CEP128: variants seen among roughly 807,000 people sequenced by gnomAD.
CEP128 encodes the protein centrosomal protein 128.
A neutral mutation model predicts 156.7 loss-of-function variants in CEP128; 132 were observed. That is an observed-to-expected ratio of 0.84 (90% confidence interval 0.73 to 0.97). The LOEUF (loss-of-function observed/expected upper bound fraction) is 0.97, where lower values mean the gene tolerates loss of function less well. Among genes scored for constraint, CEP128 ranks in the 50% least tolerant of loss-of-function variants. The pLI is 0.00. For missense variants in CEP128, 1,252 were observed against 1,281.9 expected (o/e 0.98, Z 0.36); for synonymous variants, 469 against 448.9 (o/e 1.04, Z -0.57).
At chr14:80,637,434 T>C (rs1460897244) in intron 19 of CEP128, among the ~76,000 whole-genome samples, 1 of 152,162 alleles carries the variant, frequency 6.6e-6, no homozygotes, top group Non-Finnish European at 1.5e-5. Flanking sequence ...GAAAGGAGAA[T>C]TCAATCCATC....
intron 19 of CEP128, among the ~76,000 whole-genome samples, chr14:80,689,635 T>C (rs929851395): frequency 6.6e-6 from 1 of 152,094 alleles, no homozygotes; most frequent in African/African-American, 2.4e-5. Context: ...AAAAAGACAT[T>C]AGGTTTTGAA....
intron 21 of CEP128, among the ~76,000 whole-genome samples, chr14:80,548,504 T>C (rs1428301736): frequency 6.6e-6 from 1 of 152,192 alleles, no homozygotes; most frequent in Admixed American, 6.5e-5. Context: ...TATACTATCA[T>C]TACTCTGAGC....
intron 8 of CEP128, among the ~76,000 whole-genome samples, chr14:80,864,367 A>C (rs1887668239): frequency 6.6e-6 from 1 of 152,164 alleles, no homozygotes; most frequent in Non-Finnish European, 1.5e-5. Context: ...TCTCTGATTA[A>C]ATTCAATAAG....
intron 8 of CEP128, among the ~76,000 whole-genome samples, chr14:80,872,786 C>T (rs1040644983): frequency 3.4e-4 from 51 of 152,236 alleles, no homozygotes; most frequent in African/African-American, 9.4e-4. Context: ...CACAATACAT[C>T]GACCAGTTAT....
intron 13 of CEP128, among the ~76,000 whole-genome samples, chr14:80,816,027 A>G (rs555004835): frequency 6.6e-6 from 1 of 151,460 alleles, no homozygotes; most frequent in Non-Finnish European, 1.5e-5. Context: ...TGGCAACACA[A>G]AAAAAAAACC....
intron 16 of CEP128, among the ~76,000 whole-genome samples, chr14:80,768,866 G>A (rs563026069): frequency 7.2e-5 from 11 of 152,254 alleles, no homozygotes; most frequent in South Asian, 2.1e-4. Context: ...ATACAAAGAC[G>A]ATGAACAGCA....
intron 19 of CEP128, among the ~76,000 whole-genome samples, chr14:80,596,184 G>A (rs953839557): frequency 6.6e-5 from 10 of 151,882 alleles, no homozygotes; most frequent in East Asian, 3.9e-4. Context: ...ATTAAAAGAC[G>A]GAGATCGTTA....
chr14:80,812,022 G>T (rs908730823), intron 13 of CEP128, among the ~76,000 whole-genome samples: 5 of 152,110 alleles, frequency 3.3e-5, no homozygotes, highest in African/African-American at 1.2e-4. Context: ...CCAATATATA[G>T]TTTTAGTTTT....
At chr14:80,483,639 G>A (rs747011094) in intron 14 of CEP128, among the ~76,000 whole-genome samples, 1 of 152,198 alleles carries the variant, frequency 6.6e-6, no homozygotes, top group Non-Finnish European at 1.5e-5. Context: ...ACTGTGGTAA[G>A]GAAAGATGGT....
intron 19 of CEP128, among the ~76,000 whole-genome samples, chr14:80,656,485 G>T (rs1265284783): frequency 1.3e-5 from 2 of 150,966 alleles, no homozygotes; most frequent in East Asian, 3.9e-4. Flanking sequence ...AGAGCCGTGA[G>T]TAAAAACAAT....
chr14:80,657,302 A>C (rs1380966188), intron 19 of CEP128, among the ~76,000 whole-genome samples: 1 of 151,822 alleles, frequency 6.6e-6, no homozygotes, highest in Non-Finnish European at 1.5e-5. Context: ...TTTTTCCTAA[A>C]AGGAAGTAAT....
At chr14:80,910,044 A>G (rs1225155810) in intron 4 of CEP128, among the ~76,000 whole-genome samples, 1 of 152,212 alleles carries the variant, frequency 6.6e-6, no homozygotes, top group African/African-American at 2.4e-5. Flanking sequence ...TACTAGGACT[A>G]CCTCACCAGA....
At chr14:80,857,394 C>T (rs1229315247) in intron 9 of CEP128, among the ~76,000 whole-genome samples, 2 of 151,980 alleles carry the variant, frequency 1.3e-5, no homozygotes, top group Non-Finnish European at 2.9e-5. Context: ...ATGTTATATA[C>T]TTGACTGTGT....
intron 23 of CEP128, among the ~76,000 whole-genome samples, chr14:80,514,915 T>C (rs1374041276): frequency 6.6e-6 from 1 of 152,204 alleles, no homozygotes; most frequent in Non-Finnish European, 1.5e-5. Context: ...TCTAAGTCTT[T>C]GGTCCCTGCA....
At chr14:80,514,750 T>A in intron 23 of CEP128, 1 of 305,378 alleles carries the variant, frequency 3.3e-6, no homozygotes, top group Non-Finnish European at 6.8e-6. Flanking sequence ...GGTGAGGGCA[T>A]ATTTTCATGG....
At chr14:80,530,976 T>A (rs1889199492) in intron 21 of CEP128, 90 bp from the exon 22 acceptor site, 1 of 667,990 alleles carries the variant, frequency 1.5e-6, no homozygotes, top group Non-Finnish European at 2.5e-6. Context: ...TGCACCACTG[T>A]AAGAAGCAGT....
At chr14:80,497,863 G>A (rs548735204) in intron 24 of CEP128, among the ~76,000 whole-genome samples, 19 of 152,224 alleles carry the variant, frequency 1.2e-4, no homozygotes, top group East Asian at 3.9e-4. Flanking sequence ...CCACACCGGT[G>A]TGCACGTGCA....
downstream of CEP128, among the ~76,000 whole-genome samples, chr14:80,487,823 A>G (rs1322360169): frequency 6.6e-6 from 1 of 152,082 alleles, no homozygotes; most frequent in Non-Finnish European, 1.5e-5. Flanking sequence ...GTTTTTTGAA[A>G]CCAACAAGAA....
chr14:80,835,481 C>T (rs7149056), intron 12 of CEP128, among the ~76,000 whole-genome samples: 150,501 of 152,288 alleles, frequency 0.99, 74,405 homozygotes, highest in Middle Eastern at 1. Context: ...CCAACACTTA[C>T]AAAAATTTCA....
Sources: allele counts gnomAD v4.1 joint callset (sites outside exome capture counted in the v4.1 genomes callset), GRCh38; gene constraint gnomAD v4.1.1; transcripts MANE v1.5; gene names NCBI Gene and HGNC (gene_info 2026-07-23, HGNC 2026-07-21).